Variants in ERI1 observed in about 807,000 individuals in gnomAD.
ERI1 encodes the protein 3'-5' exoribonuclease 1.
Under a neutral mutation model 39.7 loss-of-function variants are expected in ERI1, and 39 were observed. The ratio of observed to expected loss-of-function variants is 0.98; its 90% CI spans 0.76 to 1.28. The LOEUF is 1.28. ERI1 is among the 50% of genes most tolerant of loss of function. The pLI is 0.00. For missense variants in ERI1, 581 were observed against 416.9 expected (o/e 1.39, Z -3.43); for synonymous variants, 204 against 149.6 (o/e 1.36, Z -2.65).
At chr8:9,042,291 A>T (rs1162503563) in intron 3 of ERI1, among the ~76,000 whole-genome samples, 2 of 152,220 alleles carry the variant, frequency 1.3e-5, no homozygotes, top group Non-Finnish European at 2.9e-5. Context: ...TCTGTGGCAC[A>T]CAAGATTTCA....
chr8:9,075,867 G>A (rs1175945396), intron 3 of ERI1, among the ~76,000 whole-genome samples: 8 of 152,156 alleles, frequency 5.3e-5, no homozygotes, highest in South Asian at 2.1e-4. Context: ...TGAACTCTTG[G>A]GCTCAAGCCA....
chr8:9,064,625 G>C (rs1275512655), intron 3 of ERI1, among the ~76,000 whole-genome samples: 5 of 152,220 alleles, frequency 3.3e-5, no homozygotes, highest in Non-Finnish European at 5.9e-5. Context: ...TTGGAGAAGA[G>C]AGTAAGAAGA....
intron 3 of ERI1, among the ~76,000 whole-genome samples, chr8:9,095,953 G>A (rs1002925084): frequency 1.8e-4 from 28 of 152,158 alleles, no homozygotes; most frequent in Non-Finnish European, 4.0e-4. Context: ...AGGGCACTGG[G>A]TCATCTGGAA....
chr8:9,043,997 G>C (rs1408084144), intron 3 of ERI1, among the ~76,000 whole-genome samples: 1 of 152,210 alleles, frequency 6.6e-6, no homozygotes, highest in Non-Finnish European at 1.5e-5. Context: ...ATTGGAATTA[G>C]ACCTGGGTTT....
At chr8:9,084,358 C>T (rs970653205) in intron 3 of ERI1, among the ~76,000 whole-genome samples, 1 of 152,156 alleles carries the variant, frequency 6.6e-6, no homozygotes, top group African/African-American at 2.4e-5. Flanking sequence ...GACTTTATTG[C>T]TTTGTAACTT....
At chr8:9,050,530 G>A (rs1355958608) in intron 3 of ERI1, among the ~76,000 whole-genome samples, 1 of 151,468 alleles carries the variant, frequency 6.6e-6, no homozygotes, top group Non-Finnish European at 1.5e-5. Flanking sequence ...AAAAATTCTA[G>A]GTCTGTTCTT....
intron 3 of ERI1, 64 bp downstream of exon 3, chr8:9,011,816 T>C: frequency 8.1e-7 from 1 of 1,238,920 alleles, no homozygotes; most frequent in Non-Finnish European, 1.1e-6. Context: ...TTACTGGTTA[T>C]GTGGAGGACC....
At chr8:9,046,588 G>A (rs892421972) in intron 3 of ERI1, among the ~76,000 whole-genome samples, 1 of 152,204 alleles carries the variant, frequency 6.6e-6, no homozygotes, top group East Asian at 1.9e-4. Flanking sequence ...AAAGAACAAT[G>A]AAGGGACACA....
chr8:9,092,186 G>A (rs928092906), intron 3 of ERI1, among the ~76,000 whole-genome samples: 1 of 152,160 alleles, frequency 6.6e-6, no homozygotes, highest in African/African-American at 2.4e-5. Context: ...CAAACTCCTG[G>A]GCTCAAACAG....
chr8:9,029,270 G>C (rs1171452219), intron 6 of ERI1, among the ~76,000 whole-genome samples: 1 of 152,074 alleles, frequency 6.6e-6, no homozygotes, highest in Non-Finnish European at 1.5e-5. Context: ...GTTTTTAGAT[G>C]TCTGAGGATC....
Position 9,025,712 on chromosome 8 carries a change from G to GTGTT in ERI1, c.808-4077_808-4076insTTGT, listed in dbSNP as rs142442515. Among the ~76,000 whole-genome samples the GTGTT allele has an allele frequency of 2.6e-5, 4 of 151,690 alleles. No homozygotes were observed. The East Asian group carries it at 5.8e-4, about 22-fold the overall frequency. ...TTTAATCTTTTTTTTTTGTGTGTGT[G>GTGTT]TGTGTGTGTGTGTGGTTAAAATGTA... On this transcript the variant is annotated intron_variant, in intron 6 of 6. Transcript: ENST00000250263.
chr8:9,042,520 A>G (rs530259585), intron 3 of ERI1, among the ~76,000 whole-genome samples: 4 of 152,274 alleles, frequency 2.6e-5, no homozygotes, highest in African/African-American at 9.6e-5. Flanking sequence ...CCCTCCCATT[A>G]TACTCAAATC....
intron 3 of ERI1, among the ~76,000 whole-genome samples, chr8:9,055,880 G>A (rs931237252): frequency 1.4e-4 from 22 of 152,114 alleles, no homozygotes; most frequent in Non-Finnish European, 3.1e-4. Context: ...GAGGGAAAGG[G>A]GTTCTGGTTT....
At chr8:9,068,176 C>T (rs954912797) in intron 3 of ERI1, among the ~76,000 whole-genome samples, 1 of 152,110 alleles carries the variant, frequency 6.6e-6, no homozygotes, top group East Asian at 1.9e-4. Flanking sequence ...TCAGATATAT[C>T]TAAAATAGTA....
intron 3 of ERI1, among the ~76,000 whole-genome samples, chr8:9,065,302 T>C (rs951089661): frequency 6.6e-6 from 1 of 152,128 alleles, no homozygotes; most frequent in Non-Finnish European, 1.5e-5. Context: ...TTTCTTTTGT[T>C]CTTTGAGGTG....
At chr8:9,014,620 G>A (rs1817034632) in intron 3 of ERI1, among the ~76,000 whole-genome samples, 1 of 152,106 alleles carries the variant, frequency 6.6e-6, no homozygotes, top group Non-Finnish European at 1.5e-5. Flanking sequence ...ATTTAGTAGC[G>A]AATAACATTT....
chr8:9,055,406 G>A (rs1306907755), intron 3 of ERI1, among the ~76,000 whole-genome samples: 3 of 152,194 alleles, frequency 2.0e-5, no homozygotes, highest in African/African-American at 4.8e-5. Context: ...GGTAATAAAC[G>A]GAATGGGGAA....
intron 3 of ERI1, among the ~76,000 whole-genome samples, chr8:9,079,005 G>C (rs536589725): frequency 6.6e-6 from 1 of 152,162 alleles, no homozygotes; most frequent in East Asian, 1.9e-4. Context: ...GCTCTAAGGG[G>C]TGTTGTCTTA....
chr8:9,003,153 G>T lies in ERI1; in HGVS notation c.90G>T (p.Pro30=), dbSNP rs1305527534. The part of the protein sequence containing the change: ...ESPRPEGGEE[P]PRPSPEETQQ... Reference sequence around the variant, plus strand: ...CGCGGCCGGAGGGCGGGGAGGAGCCGCCGCGTCCCAGTCCCGAGGTGAGGA... The same window carrying T: ...CGCGGCCGGAGGGCGGGGAGGAGCCTCCGCGTCCCAGTCCCGAGGTGAGGA... Residue 30 remains proline, a synonymous_variant, in exon 1 of 7, where the codon CCG becomes CCT. Coordinates refer to ENST00000250263, the MANE Select transcript of ERI1 (RefSeq NM_153332.4). 1 of 1,243,866 alleles carries T rather than the reference G, an allele frequency of 8.0e-7. No individual in the cohort carries two copies. Among genetic ancestry groups the T allele is most frequent in the African/African-American group, 1.5e-5 (1 of 64,598 alleles). The allele number at this position is 1,243,866 out of a possible 1,614,324, so 77.1% of individuals were successfully genotyped here. A position where few individuals can be genotyped will look rare whatever the true frequency, so the allele number is the denominator to read the frequency against.
Sources: gnomAD v4.1 joint callset for allele counts (sites outside exome capture counted in the v4.1 genomes callset) on GRCh38, gnomAD v4.1.1 for gene constraint, MANE v1.5 for transcripts, NCBI Gene and HGNC (gene_info 2026-07-23, HGNC 2026-07-21) for gene names.